Variants in KRT6B observed in about 807,000 individuals in gnomAD.
KRT6B encodes the protein keratin, type II cytoskeletal 6B.
In KRT6B, 29 loss-of-function variants were observed where a neutral mutation model predicts 44.7. The ratio of observed to expected loss-of-function variants is 0.65; its 90% CI spans 0.48 to 0.88. KRT6B has a LOEUF of 0.88. KRT6B is among the 40% of genes least tolerant of loss of function. The pLI is 0.00. For missense variants in KRT6B, 600 were observed against 724.0 expected, an observed-to-expected ratio of 0.83 and a Z score of 1.97; for synonymous variants, 213 against 296.0, an observed-to-expected ratio of 0.72 and a Z score of 2.88.
At chr12:52,451,505 G>A in intron 1 of KRT6B, 34 bp downstream of exon 1, 1 of 1,613,434 alleles carries the variant, frequency 6.2e-7, no homozygotes, top group South Asian at 1.1e-5. Flanking sequence ...TGGGGACCCT[G>A]AAGTGCCCGA....
chr12:52,447,362 C>T lies in KRT6B; in HGVS notation c.1523G>A (p.Gly508Asp), dbSNP rs139358472. 9.3e-6 allele frequency: 15 copies of T among 1,613,868 alleles called. No homozygotes were observed. The Admixed American group carries it at 2.0e-4, about 22-fold the overall frequency. ...GGAGTAGCTGCTTCCTCCACCCAGG[C>T]CTAAGCCACTGCCGACACCGCTGGC... ...GGASGVGSGL[G>D]LGGGSSYSYG... The change falls in exon 9 of 9, where the codon GGC (glycine) becomes GAC (aspartate). Residue 508 changes from glycine to aspartate, a missense_variant. By Grantham distance (94) the Gly-to-Asp change is moderately conservative. Coordinates refer to ENST00000252252, the MANE Select transcript of KRT6B (RefSeq NM_005555.4).
chr12:52,447,437 A>AG lies in KRT6B; in HGVS notation c.1460-13dup. 1 of 1,613,976 alleles carries AG rather than the reference A, an allele frequency of 6.2e-7. No homozygotes were observed. Among genetic ancestry groups the AG allele is most frequent in the East Asian group, 2.2e-5 (1 of 44,854 alleles). On this transcript the variant is annotated splice_polypyrimidine_tract_variant and intron_variant, in intron 8 of 8. Transcript: ENST00000252252. Reference sequence around the variant, plus strand: ...GGACTGCACTACAGCTGTGGTGGGGAGGGGACAAGGACACAAGAAGCCACA... The same window carrying AG: ...GGACTGCACTACAGCTGTGGTGGGGAGGGGGACAAGGACACAAGAAGCCACA...
rs1592168916 is a variant in KRT6B, at chr12:52,447,300, A to G, written c.1585T>C (p.Ser529Pro). The change falls in exon 9 of 9, where the codon TCC becomes CCC. Residue 529 changes from serine to proline, a missense_variant. Ser to Pro is a moderately conservative substitution (Grantham distance 74, BLOSUM62 -1). Transcript: ENST00000252252. ...SGLGVGGGFSSSSGRATGGGL... is the reference protein window; with the variant it reads ...SGLGVGGGFSPSSGRATGGGL... ...CCCCCAGTGGCTCTGCCGCTGCTGG[A>G]ACTAAAGCCGCCTCCAACGCCAAGA... 2 of 1,614,002 alleles carry G rather than the reference A, an allele frequency of 1.2e-6. No individual in the cohort carries two copies. The highest frequency in any genetic ancestry group is 1.7e-6 in the Non-Finnish European group (2 of 1,179,876).
At chr12:52,450,750 G>A (rs1457848864) in intron 1 of KRT6B, 130 bp from the exon 2 acceptor site, 2 of 1,392,298 alleles carry the variant, frequency 1.4e-6, no homozygotes, top group East Asian at 2.4e-5. Flanking sequence ...AGAGGCTCAG[G>A]CTGAGCTCTG....
intron 6 of KRT6B, 101 bp downstream of exon 6, chr12:52,448,741 T>C: frequency 1.3e-6 from 2 of 1,591,980 alleles, no homozygotes; most frequent in Non-Finnish European, 8.6e-7. Context: ...TCTCTGCTTA[T>C]CAATCAATTC....
chr12:52,447,837 C>T lies in KRT6B; in HGVS notation c.1365G>A (p.Lys455=), dbSNP rs1188932097. The T allele has an allele frequency of 1.2e-6, 2 of 1,614,208 alleles. No individual in the cohort carries two copies. Among genetic ancestry groups the T allele is most frequent in the South Asian group, 1.1e-5 (1 of 91,080 alleles). ...LKEYQELMNV[K]LALDVEIATY... ...TGGCGATCTCCACATCCAGGGCCAG[C>T]TTGACGTTCATCAGCTCCTGGTACT... The change falls in exon 7 of 9, where the codon AAG becomes AAA. Residue 455 remains lysine (K), a synonymous_variant. Transcript: ENST00000252252.
At chr12:52,451,466 T>C (rs365444) in intron 1 of KRT6B, 73 bp downstream of exon 1, 1 of 1,613,040 alleles carries the variant, frequency 6.2e-7, no homozygotes, top group Non-Finnish European at 8.5e-7. Context: ...CTAGGGTCTC[T>C]CCGGCAGGAA....
chr12:52,451,428 C>T (rs1940400762), intron 1 of KRT6B, 111 bp downstream of exon 1: 1 of 1,602,850 alleles, frequency 6.2e-7, no homozygotes, highest in African/African-American at 1.3e-5. Flanking sequence ...CTCTGCAGAG[C>T]TGGGCTGAGT....
intron 1 of KRT6B, 123 bp from the exon 2 acceptor site, chr12:52,450,743 G>A (rs1940390766): frequency 1.4e-6 from 2 of 1,451,278 alleles, no homozygotes; most frequent in Non-Finnish European, 1.9e-6. Flanking sequence ...CATGTAGAGA[G>A]GCTCAGGCTG....
chr12:52,450,099 T>A (rs763478695), intron 2 of KRT6B, 27 bp from the exon 3 acceptor site: 169 of 1,613,834 alleles, frequency 1.0e-4, no homozygotes, highest in Non-Finnish European at 1.4e-4. Context: ...ATGGGACACA[T>A]TTGAGCCAGT....
At chr12:52,450,112 G>T in intron 2 of KRT6B, 40 bp from the exon 3 acceptor site, 1 of 1,613,834 alleles carries the variant, frequency 6.2e-7, no homozygotes, top group Middle Eastern at 1.7e-4. Context: ...GAGCCAGTGG[G>T]TAGGATGAAA....
intron 4 of KRT6B, 29 bp downstream of exon 4, chr12:52,449,729 G>A: frequency 6.2e-7 from 1 of 1,614,136 alleles, no homozygotes; most frequent in Non-Finnish European, 8.5e-7. Flanking sequence ...CCCCATCAGA[G>A]TAAACAGAAG....
In KRT6B at chr12:52,449,866, C is replaced by T. The variant is rs1940370238; in HGVS notation, c.817-13G>A. The T allele has an allele frequency of 9.9e-6, 16 of 1,612,956 alleles. No individual in the cohort carries two copies. The highest frequency in any genetic ancestry group is 1.4e-5 in the Non-Finnish European group (16 of 1,179,096). ...CAGCATCCACATCCTGGGGAAAGAG[C>T]CAACAACCTGGAGTTGCCTGAGCTC... On this transcript the variant is annotated splice_polypyrimidine_tract_variant and intron_variant, in intron 3 of 8. Coordinates refer to ENST00000252252, the MANE Select transcript of KRT6B (RefSeq NM_005555.4).
chr12:52,447,466 A>G (rs1414929896), intron 8 of KRT6B, 41 bp from the exon 9 acceptor site: 2 of 1,614,008 alleles, frequency 1.2e-6, no homozygotes, highest in East Asian at 4.5e-5. Context: ...AGCCACAATG[A>G]GTTCATCCTG....
chr12:52,447,416 T>C lies in KRT6B; in HGVS notation c.1469A>G (p.Gln490Arg), dbSNP rs755323118. 2 of 1,613,930 alleles carry C rather than the reference T, an allele frequency of 1.2e-6. No individual in the cohort carries two copies. The highest frequency in any genetic ancestry group is 2.7e-5 in the African/African-American group (2 of 74,920). The change falls in exon 9 of 9, where the codon CAG (glutamine) becomes CGG (arginine). Residue 490 changes from glutamine to arginine, a missense_variant. Physicochemically the swap from Gln to Arg is conservative, Grantham distance 43 (BLOSUM62 1). Around this residue, in one of 4 missense-constraint regions of KRT6B, gnomAD observed 479 missense variants for 454.2 expected, o/e 1.05. Coordinates refer to ENST00000252252, the MANE Select transcript of KRT6B (RefSeq NM_005555.4). ...GVGQVNISVV[Q>R]STVSSGYGGA... ...GCCATAGCCACTGGAGACGGTGGAC[T>C]GCACTACAGCTGTGGTGGGGAGGGG... is the stretch of plus-strand genomic sequence containing the variant.
chr12:52,450,725 C>A, intron 1 of KRT6B, 105 bp from the exon 2 acceptor site: 1 of 1,535,754 alleles, frequency 6.5e-7, no homozygotes, highest in Non-Finnish European at 8.9e-7. Context: ...TGCTGGGCTA[C>A]TACAGTGCAT....
intron 8 of KRT6B, 52 bp downstream of exon 8, chr12:52,447,486 GC>G: frequency 6.2e-7 from 1 of 1,614,018 alleles, no homozygotes; most frequent in Non-Finnish European, 8.5e-7. Flanking sequence ...GCCGGCCTGA[GC>G]CCAGTCAGGA....
rs1940376460 is a variant in KRT6B, at chr12:52,450,284, C to G, written c.755+122G>C. ...ACCATCTGTGGTTCTTGCAGGTTTG[C>G]TCCTAGGGACTAATTTGTGCTTTTC... On this transcript the variant is annotated intron_variant, in intron 2 of 8. Coordinates refer to ENST00000252252, the MANE Select transcript of KRT6B (RefSeq NM_005555.4). The G allele has an allele frequency of 6.2e-6, 9 of 1,443,446 alleles. No homozygotes were observed. The South Asian group carries it at 1.1e-4, about 17-fold the overall frequency. The allele number at this position is 1,443,446 out of a possible 1,614,324, so 89.4% of individuals were successfully genotyped here.
intron 6 of KRT6B, 125 bp downstream of exon 6, chr12:52,448,717 T>G: frequency 2.7e-6 from 4 of 1,502,168 alleles, no homozygotes; most frequent in Non-Finnish European, 2.7e-6. Flanking sequence ...GCCTAGGAAC[T>G]GCATGTCTTT....
Sources: allele counts gnomAD v4.1 joint callset, GRCh38; gene constraint gnomAD v4.1.1; regional missense constraint gnomAD v4.1.1; transcripts MANE v1.5; gene names NCBI Gene and HGNC (gene_info 2026-07-23, HGNC 2026-07-21).